MKX: variants seen among roughly 807,000 people sequenced by gnomAD.
MKX encodes homeobox protein Mohawk.
In MKX, 13 loss-of-function variants were observed where a neutral mutation model predicts 36.0. The observed-to-expected ratio is 0.36, with a 90% CI of 0.24 to 0.57. MKX has a LOEUF of 0.57. MKX is among the 20% of genes least tolerant of loss of function. The probability of loss-of-function intolerance (pLI) is 0.79; values close to 1 mark genes in which losing one functional copy is unlikely to be tolerated. For synonymous variants in MKX, 176 were observed against 178.3 expected, an observed-to-expected ratio of 0.99 and a Z score of 0.10; for missense variants, 458 against 456.4, an observed-to-expected ratio of 1.00 and a Z score of -0.03.
At chr10:27,684,207 T>C (rs553774803) in intron 5 of MKX, among the ~76,000 whole-genome samples, 2 of 152,170 alleles carry the variant, frequency 1.3e-5, no homozygotes, top group East Asian at 3.9e-4. Flanking sequence ...CCCAGCTACT[T>C]GGAAGGCCGA....
In MKX at chr10:27,675,343, T is replaced by C. The variant is rs1352639233; in HGVS notation, c.945A>G (p.Thr315=). 1 of 1,614,246 alleles carries C rather than the reference T, an allele frequency of 6.2e-7. No individual in the cohort carries two copies. Among genetic ancestry groups the C allele is most frequent in the South Asian group, 1.1e-5 (1 of 91,086 alleles). The change falls in exon 7 of 7, where the codon ACA becomes ACG. Residue 315 remains threonine, a synonymous_variant. Transcript: ENST00000419761. Reference sequence around the variant, plus strand: ...GTTTGTCCTTTCCCTGTGCAAGATTTGTTAAGGCCATAGCTGCGTTGATCT... The same window carrying C: ...GTTTGTCCTTTCCCTGTGCAAGATTCGTTAAGGCCATAGCTGCGTTGATCT... ...WKEINAAMAL[T]NLAQGKDKLQ...
At chr10:27,688,958 T>C (rs990826668) in intron 5 of MKX, among the ~76,000 whole-genome samples, 1 of 152,200 alleles carries the variant, frequency 6.6e-6, no homozygotes, top group Admixed American at 6.5e-5. Flanking sequence ...GAAAAAAATG[T>C]GCATTCATGA....
rs1168902938 is a variant in MKX at position 27,742,775 on chromosome 10, C to T, written c.188+453G>A. On this transcript the variant is annotated intron_variant, in intron 2 of 6. Transcript: ENST00000419761. The surrounding 1 kb of genome is among the most constrained non-coding windows in gnomAD (Gnocchi z 4.2). ...TCCCGACTCCTTGGGCCAGGCGAGC[C>T]GCGGGGCTCTGGCGAGGGGCTCGAG... is the stretch of plus-strand genomic sequence containing the variant. 1.3e-5 allele frequency among the ~76,000 whole-genome samples: 2 copies of T among 152,196 alleles called. No homozygotes were observed. Among genetic ancestry groups the T allele is most frequent in the Admixed American group, 6.5e-5 (1 of 15,308 alleles).
rs577058536 is a variant in MKX at position 27,697,823 on chromosome 10, G to A, written c.839-22269C>T. Among the ~76,000 whole-genome samples, 59 of 152,274 alleles carry A rather than the reference G, an allele frequency of 3.9e-4. No homozygotes were observed. The South Asian group carries it at 0.012, about 31-fold the overall frequency. ...GTAGTAAGTATGGTGGGAACAGAGG[G>A]GGGTTGGAGCAATGGCAGGGATAAG... is the stretch of plus-strand genomic sequence containing the variant. On this transcript the variant is annotated intron_variant, in intron 5 of 6. Coordinates refer to ENST00000419761, the MANE Select transcript of MKX (RefSeq NM_173576.3).
At chr10:27,730,936 C>T (rs1834612316) in intron 5 of MKX, among the ~76,000 whole-genome samples, 1 of 151,276 alleles carries the variant, frequency 6.6e-6, no homozygotes, top group South Asian at 2.1e-4. Context: ...AGATCGAGAC[C>T]ATCCTGGCTA....
rs557095582 is a variant in MKX at position 27,700,731 on chromosome 10, C to T, written c.839-25177G>A. 7.6e-4 allele frequency among the ~76,000 whole-genome samples: 116 copies of T among 152,192 alleles called. 1 individual carries two copies. Among genetic ancestry groups the T allele is most frequent in the African/African-American group, 2.7e-3 (113 of 41,532 alleles). On this transcript the variant is annotated intron_variant, in intron 5 of 6. Transcript: ENST00000419761. ...CAATCAACAGATTTTCATTGCATTTCGTTAACAGCTAGTAATACAGTAGTG... is the reference window on the plus strand; with the variant it reads ...CAATCAACAGATTTTCATTGCATTTTGTTAACAGCTAGTAATACAGTAGTG...
intron 1 of MKX, 142 bp from the exon 2 acceptor site, chr10:27,743,639 C>A (rs1243961200): frequency 7.7e-6 from 4 of 521,524 alleles, no homozygotes; most frequent in East Asian, 7.2e-5. Flanking sequence ...AGGGACCCTG[C>A]GGCTCTCCCC....
chr10:27,721,456 T>A (rs1283589750), intron 5 of MKX, among the ~76,000 whole-genome samples: 1 of 152,154 alleles, frequency 6.6e-6, no homozygotes, highest in Non-Finnish European at 1.5e-5. Flanking sequence ...TAAAAAGAAA[T>A]GCGATAATGT....
chr10:27,736,988 C>G (rs1834793113), intron 3 of MKX, among the ~76,000 whole-genome samples: 1 of 152,170 alleles, frequency 6.6e-6, no homozygotes, highest in African/African-American at 2.4e-5. Context: ...TCTCTACAGA[C>G]AGACAACAAA....
chr10:27,723,201 A>G lies in MKX; in HGVS notation c.838+11255T>C, dbSNP rs566527803. Among the ~76,000 whole-genome samples the G allele has an allele frequency of 2.0e-5, 3 of 152,318 alleles. No individual in the cohort carries two copies. The South Asian group carries it at 6.2e-4, about 32-fold the overall frequency. ...TCTGAAAGAAAAAAGTACACAGTTG[A>G]AAGAAAAAAAGTGCACAGTTAGATA... On this transcript the variant is annotated intron_variant, in intron 5 of 6. Coordinates refer to ENST00000419761, the MANE Select transcript of MKX (RefSeq NM_173576.3).
Position 27,735,513 on chromosome 10 carries a change from G to T in MKX, c.349-139C>A, listed in dbSNP as rs921536535. On this transcript the variant is annotated intron_variant, in intron 3 of 6. Coordinates refer to ENST00000419761, the MANE Select transcript of MKX (RefSeq NM_173576.3). ...CAGGACATAAGAATACCGGACATTC[G>T]CATCCATTCATTCATTTGACAAACA... 20 of 596,578 alleles carry T rather than the reference G, an allele frequency of 3.4e-5. No homozygotes were observed. In the African/African-American group the frequency reaches 3.4e-4, roughly 10 times the overall value. The allele number at this position is 596,578 out of a possible 1,614,324, so 37.0% of individuals were successfully genotyped here. A position where few individuals can be genotyped will look rare whatever the true frequency, so the allele number is the denominator to read the frequency against.
chr10:27,731,599 C>T (rs879622064), intron 5 of MKX, among the ~76,000 whole-genome samples: 4 of 151,678 alleles, frequency 2.6e-5, no homozygotes, highest in Admixed American at 1.3e-4. Context: ...TTGGTGCACA[C>T]GCATGTAAAA....
intron 5 of MKX, among the ~76,000 whole-genome samples, chr10:27,725,185 C>T (rs971744291): frequency 6.4e-4 from 97 of 152,188 alleles, no homozygotes; most frequent in African/African-American, 2.3e-3. Context: ...AATTTCCTAA[C>T]CTGAAAAATA....
chr10:27,725,163 A>G (rs1216504452), intron 5 of MKX, among the ~76,000 whole-genome samples: 1 of 152,236 alleles, frequency 6.6e-6, no homozygotes, highest in East Asian at 1.9e-4. Context: ...GGACTTGTAT[A>G]GAGGTTAAAG....
chr10:27,722,954 G>A (rs1834412409), intron 5 of MKX, among the ~76,000 whole-genome samples: 1 of 152,082 alleles, frequency 6.6e-6, no homozygotes, highest in South Asian at 2.1e-4. Flanking sequence ...TGGAATTTAA[G>A]GGTTGGTAAT....
At chr10:27,737,371 C>T (rs1834803426) in intron 3 of MKX, among the ~76,000 whole-genome samples, 1 of 152,146 alleles carries the variant, frequency 6.6e-6, no homozygotes, top group Non-Finnish European at 1.5e-5. Flanking sequence ...AGTCACTTCA[C>T]TTCTTCAAAT....
intron 5 of MKX, among the ~76,000 whole-genome samples, chr10:27,681,218 G>T (rs1014369026): frequency 1.3e-5 from 2 of 152,122 alleles, no homozygotes; most frequent in Non-Finnish European, 2.9e-5. Flanking sequence ...AGGCTGAGGC[G>T]GGTGAATCAC....
intron 5 of MKX, among the ~76,000 whole-genome samples, chr10:27,706,993 G>A (rs1274244208): frequency 4.6e-5 from 7 of 152,122 alleles, no homozygotes; most frequent in Admixed American, 4.6e-4. Context: ...AGCACTGTTC[G>A]TCATGGTCAC....
chr10:27,677,233 G>A (rs1406427954), intron 5 of MKX, among the ~76,000 whole-genome samples: 1 of 152,080 alleles, frequency 6.6e-6, no homozygotes, highest in Non-Finnish European at 1.5e-5. Flanking sequence ...AAAACGCAAG[G>A]CCCTCTGCTA....
Sources: allele counts gnomAD v4.1 joint callset (sites outside exome capture counted in the v4.1 genomes callset), GRCh38; gene constraint gnomAD v4.1.1; non-coding constraint Gnocchi (gnomAD v3.1); transcripts MANE v1.5; gene names NCBI Gene and HGNC (gene_info 2026-07-23, HGNC 2026-07-21).